ZDHHC7: variants seen among roughly 807,000 people sequenced by gnomAD.
ZDHHC7 encodes palmitoyltransferase ZDHHC7.
In ZDHHC7, 12 loss-of-function variants were observed where a neutral mutation model predicts 34.1. That is an observed-to-expected ratio of 0.35 (90% CI 0.23 to 0.57). The LOEUF (loss-of-function observed/expected upper bound fraction) is 0.57. ZDHHC7 is among the 20% of genes least tolerant of loss of function. The probability of loss-of-function intolerance (pLI) is 0.84; values close to 1 mark genes in which losing one functional copy is unlikely to be tolerated. For missense variants in ZDHHC7, 388 were observed against 402.7 expected (o/e 0.96, Z 0.31); for synonymous variants, 185 against 155.4 (o/e 1.19, Z -1.42).
chr16:84,997,170 G>A (rs938369238), intron 1 of ZDHHC7, among the ~76,000 whole-genome samples: 2 of 151,802 alleles, frequency 1.3e-5, no homozygotes, highest in Admixed American at 6.6e-5. Context: ...CAAAATAAGA[G>A]AAGAGATTGG....
Position 84,990,559 on chromosome 16 carries a change from A to G in ZDHHC7, c.60T>C (p.Asn20=), listed in dbSNP as rs1461615817. The part of the protein sequence containing the change: ...DVEHHPLLAE[N]DNYDSSSSSS... ...AGGACGATGAAGAGTCATAGTTGTC[A>G]TTTTCAGCCAGGAGAGGATGATGCT... Residue 20 remains asparagine (N), a synonymous_variant, in exon 3 of 8, where the codon AAT becomes AAC. Transcript: ENST00000313732. 1 of 1,613,962 alleles carries G rather than the reference A, an allele frequency of 6.2e-7. No individual in the cohort carries two copies. Among genetic ancestry groups the G allele is most frequent in the Admixed American group, 1.7e-5 (1 of 59,986 alleles).
chr16:85,006,193 C>T (rs1206101119), intron 1 of ZDHHC7, among the ~76,000 whole-genome samples: 2 of 151,622 alleles, frequency 1.3e-5, no homozygotes, highest in Admixed American at 6.6e-5. Flanking sequence ...CCTATCTCTA[C>T]AAAAAAAATT....
chr16:84,991,769 G>C (rs1335518317), intron 2 of ZDHHC7, among the ~76,000 whole-genome samples: 4 of 152,248 alleles, frequency 2.6e-5, no homozygotes, highest in Non-Finnish European at 4.4e-5. Flanking sequence ...AAAGTGCTGG[G>C]ATTACAGGTA....
chr16:85,005,112 C>G (rs996846872), intron 1 of ZDHHC7: 1 of 152,178 alleles, frequency 6.6e-6, no homozygotes, highest in Non-Finnish European at 1.5e-5. Flanking sequence ...AGCATGGTAA[C>G]TAAACCCTCA....
At chr16:85,026,122 T>A in the ZDHHC7 span, among the ~76,000 whole-genome samples, 1 of 152,240 alleles carries the variant, frequency 6.6e-6, no homozygotes, top group Non-Finnish European at 1.5e-5. Context: ...TGACTCTAAA[T>A]GAGTCACCTT....
At chr16:84,984,551 G>T (rs757656516) in intron 3 of ZDHHC7, among the ~76,000 whole-genome samples, 1 of 152,164 alleles carries the variant, frequency 6.6e-6, no homozygotes, top group African/African-American at 2.4e-5. Context: ...TACACTTCTG[G>T]AAAGCGGCTA....
At chr16:85,026,747 T>C in the ZDHHC7 span, among the ~76,000 whole-genome samples, 1 of 151,992 alleles carries the variant, frequency 6.6e-6, no homozygotes, top group East Asian at 1.9e-4. Context: ...CATTCAGCCC[T>C]ATTTCAGATA....
chr16:85,019,276 C>G, the ZDHHC7 span, among the ~76,000 whole-genome samples: 19,913 of 152,142 alleles, frequency 0.13, 1,758 homozygotes, highest in East Asian at 0.32. Context: ...TTGACTATTC[C>G]TCATCGGAAT....
At chr16:85,005,189 G>A (rs1373076652) in intron 1 of ZDHHC7, among the ~76,000 whole-genome samples, 1 of 152,144 alleles carries the variant, frequency 6.6e-6, no homozygotes, top group Non-Finnish European at 1.5e-5. Context: ...CCTGTCCCAG[G>A]GAAGAGCAGA....
At chr16:84,995,160 C>A (rs926277352) in intron 2 of ZDHHC7, among the ~76,000 whole-genome samples, 2 of 152,174 alleles carry the variant, frequency 1.3e-5, no homozygotes, top group Non-Finnish European at 1.5e-5. Flanking sequence ...GGCACTCTCA[C>A]ACAGATGCCC....
intron 2 of ZDHHC7, among the ~76,000 whole-genome samples, chr16:84,993,537 G>A (rs1173475537): frequency 2.0e-5 from 3 of 151,860 alleles, no homozygotes; most frequent in Non-Finnish European, 4.4e-5. Flanking sequence ...AGCTGTTTGG[G>A]GGACTGACGT....
At chr16:85,023,016 C>T in the ZDHHC7 span, among the ~76,000 whole-genome samples, 1 of 152,168 alleles carries the variant, frequency 6.6e-6, no homozygotes, top group African/African-American at 2.4e-5. Context: ...GGCCACAAGC[C>T]ATGCAATGCA....
chr16:85,027,410 C>T, the ZDHHC7 span, among the ~76,000 whole-genome samples: 16 of 152,140 alleles, frequency 1.1e-4, no homozygotes, highest in Non-Finnish European at 2.1e-4. Context: ...AACCGAGGGC[C>T]AGGAAACAAC....
intron 3 of ZDHHC7, among the ~76,000 whole-genome samples, chr16:84,987,777 G>C (rs899847283): frequency 4.0e-4 from 61 of 152,304 alleles, no homozygotes; most frequent in African/African-American, 1.4e-3. Flanking sequence ...TAAACCAAAT[G>C]AAGCACTGAT....
chr16:84,993,569 C>T (rs2072537989), intron 2 of ZDHHC7, among the ~76,000 whole-genome samples: 1 of 151,288 alleles, frequency 6.6e-6, no homozygotes, highest in Admixed American at 6.6e-5. Flanking sequence ...ATGAGACTGG[C>T]AGGTTGAGGC....
chr16:85,018,539 C>T, the ZDHHC7 span, among the ~76,000 whole-genome samples: 3 of 152,084 alleles, frequency 2.0e-5, no homozygotes, highest in East Asian at 5.8e-4. Context: ...CCTCCATCTC[C>T]CAGGTTTAAG....
At chr16:85,015,589 G>A (rs1031324652), upstream of ZDHHC7, among the ~76,000 whole-genome samples, 10 of 152,106 alleles carry the variant, frequency 6.6e-5, no homozygotes, top group Admixed American at 1.3e-4. Flanking sequence ...GGTTGCTCAC[G>A]CTTGCAATCC....
At chr16:85,027,499 T>C in the ZDHHC7 span, among the ~76,000 whole-genome samples, 2 of 152,146 alleles carry the variant, frequency 1.3e-5, no homozygotes, top group East Asian at 3.9e-4. Flanking sequence ...CCCACTCACC[T>C]GTTTGCACCG....
upstream of ZDHHC7, among the ~76,000 whole-genome samples, chr16:85,015,608 TG>T (rs1032574329): frequency 4.6e-5 from 7 of 152,076 alleles, no homozygotes; most frequent in African/African-American, 1.7e-4. Context: ...CCCAGCATAC[TG>T]GGGGGCCAAG....
Sources: allele counts gnomAD v4.1 joint callset (sites outside exome capture counted in the v4.1 genomes callset), GRCh38; gene constraint gnomAD v4.1.1; transcripts MANE v1.5; gene names NCBI Gene and HGNC (gene_info 2026-07-23, HGNC 2026-07-21).